PLGRKT: variants seen among roughly 807,000 people sequenced by gnomAD.
PLGRKT encodes the protein plasminogen receptor (KT).
PLGRKT carries 22 observed loss-of-function variants against 18.5 expected under a neutral mutation model. The ratio of observed to expected loss-of-function variants is 1.19; its 90% confidence interval spans 0.85 to 1.70. PLGRKT has a LOEUF of 1.70. PLGRKT is among the 40% of genes most tolerant of loss of function. The pLI, the probability that PLGRKT is intolerant of heterozygous loss-of-function variation, is 0.00. For synonymous variants in PLGRKT, 72 were observed against 52.8 expected (o/e 1.36, Z -1.58); for missense variants, 235 against 174.4 (o/e 1.35, Z -1.96).
At chr9:5,417,647 T>C (rs558883455) in intron 3 of PLGRKT, among the ~76,000 whole-genome samples, 2 of 143,276 alleles carry the variant, frequency 1.4e-5, no homozygotes, top group East Asian at 2.0e-4. Flanking sequence ...CCATAATATG[T>C]AAAGTACTCT....
chr9:5,430,227 C>T lies in PLGRKT; in HGVS notation c.81+1670G>A, dbSNP rs547990319. On this transcript the variant is annotated intron_variant, in intron 3 of 5. Transcript: ENST00000223864. ...TGTAATAGGCTAACACGTTAGCTTGCAAGTAGGGTAAAATCCCAGACCCTT... is the reference window on the plus strand; with the variant it reads ...TGTAATAGGCTAACACGTTAGCTTGTAAGTAGGGTAAAATCCCAGACCCTT... 2.1e-3 allele frequency among the ~76,000 whole-genome samples: 314 copies of T among 152,318 alleles called. 2 individuals are homozygous for T. The highest frequency in any genetic ancestry group is 7.2e-3 in the African/African-American group (300 of 41,566).
At chr9:5,396,924 C>G (rs1563778615) in intron 3 of PLGRKT, among the ~76,000 whole-genome samples, 1 of 151,922 alleles carries the variant, frequency 6.6e-6, no homozygotes, top group Non-Finnish European at 1.5e-5. Context: ...CAACATGATT[C>G]TCATCTTAAA....
chr9:5,378,642 T>C (rs1817678394), intron 3 of PLGRKT, among the ~76,000 whole-genome samples: 1 of 152,202 alleles, frequency 6.6e-6, no homozygotes, highest in African/African-American at 2.4e-5. Context: ...AGTTGTACAC[T>C]TTAACATTGA....
intron 3 of PLGRKT, among the ~76,000 whole-genome samples, chr9:5,374,204 C>T (rs983262573): frequency 6.6e-6 from 1 of 152,206 alleles, no homozygotes. Flanking sequence ...CTGAGTAACT[C>T]TTGAACCAAG....
At chr9:5,411,120 A>G (rs556204323) in intron 3 of PLGRKT, among the ~76,000 whole-genome samples, 1 of 152,258 alleles carries the variant, frequency 6.6e-6, no homozygotes, top group Admixed American at 6.5e-5. Flanking sequence ...GCGGTGACTC[A>G]CGCCTGTAAT....
intron 3 of PLGRKT, among the ~76,000 whole-genome samples, chr9:5,424,636 T>G (rs1244824762): frequency 9.0e-6 from 1 of 111,412 alleles, no homozygotes; most frequent in African/African-American, 3.9e-5. Context: ...TATATTAATA[T>G]ATTTACATTA....
chr9:5,401,546 C>T (rs1431456657), intron 3 of PLGRKT, among the ~76,000 whole-genome samples: 1 of 151,996 alleles, frequency 6.6e-6, no homozygotes, highest in African/African-American at 2.4e-5. Flanking sequence ...ATAAGCTTCA[C>T]AGATGAACAG....
Position 5,358,222 on chromosome 9 carries a change from G to C in PLGRKT, c.*17C>G. On this transcript the variant is annotated 3_prime_UTR_variant, in exon 6 of 6. Transcript: ENST00000223864. ...TCAATAATTCTGTGCTTTGAGATTT[G>C]ATTGGTAAGCATGATTTCATTTGTC... 2 of 1,595,278 alleles carry C rather than the reference G, an allele frequency of 1.3e-6. No individual in the cohort carries two copies. Among genetic ancestry groups the C allele is most frequent in the Non-Finnish European group, 8.6e-7 (1 of 1,165,982 alleles).
intron 3 of PLGRKT, among the ~76,000 whole-genome samples, chr9:5,366,090 G>A (rs1028416803): frequency 6.6e-6 from 1 of 152,112 alleles, no homozygotes; most frequent in Non-Finnish European, 1.5e-5. Context: ...AATTTCATAA[G>A]ATTATGTTTA....
chr9:5,399,334 C>T (rs1211862827), intron 3 of PLGRKT, among the ~76,000 whole-genome samples: 1 of 151,848 alleles, frequency 6.6e-6, no homozygotes, highest in East Asian at 1.9e-4. Context: ...GTAGTTTCCC[C>T]CCTGATAAAA....
chr9:5,358,053 A>T lies in PLGRKT; in HGVS notation c.*186T>A. ...GAGAGAGGAAATCTAAAAGTTATTT[A>T]GAGCACCTCCATGATTTTGTGTTGA... is the stretch of plus-strand genomic sequence containing the variant. On this transcript the variant is annotated 3_prime_UTR_variant, in exon 6 of 6. Transcript: ENST00000223864. 2.2e-6 allele frequency: 1 copy of T among 457,460 alleles called. No individual in the cohort carries two copies. Among genetic ancestry groups the T allele is most frequent in the East Asian group, 3.4e-5 (1 of 29,212 alleles). 28.3% of individuals were successfully genotyped at this position (457,460 alleles called of 1,614,324 possible).
chr9:5,363,040 T>A (rs1817302066), intron 3 of PLGRKT, among the ~76,000 whole-genome samples: 1 of 151,882 alleles, frequency 6.6e-6, no homozygotes, highest in Admixed American at 6.6e-5. Flanking sequence ...GGTTCTCACA[T>A]CAGCTGGAGA....
intron 3 of PLGRKT, among the ~76,000 whole-genome samples, chr9:5,386,669 T>G (rs1395557094): frequency 6.6e-6 from 1 of 151,882 alleles, no homozygotes; most frequent in African/African-American, 2.4e-5. Context: ...AGCCTTCATC[T>G]TTTCCTTCTG....
intron 2 of PLGRKT, 92 bp from the exon 3 acceptor site, chr9:5,432,075 G>T (rs1357196942): frequency 1.2e-5 from 7 of 600,752 alleles, no homozygotes; most frequent in Non-Finnish European, 1.8e-5. Flanking sequence ...TTATGACAAA[G>T]TAAAAAAAAA....
intron 3 of PLGRKT, among the ~76,000 whole-genome samples, chr9:5,420,726 C>T (rs906954800): frequency 2.6e-5 from 4 of 152,184 alleles, no homozygotes; most frequent in Admixed American, 6.5e-5. Flanking sequence ...TCTCCTCCAC[C>T]TACTCTACAT....
At position 5,389,617 on chromosome 9, in the gene PLGRKT, T is replaced by C. The variant is rs370727798; in HGVS notation, c.82-27729A>G. ...AGTAACTGATCTAGGAAGACCCCAA[T>C]TGCTTAGTCCTAGACATGCTCATCT... On this transcript the variant is annotated intron_variant, in intron 3 of 5. Coordinates refer to ENST00000223864, the MANE Select transcript of PLGRKT (RefSeq NM_018465.4). 7.2e-5 allele frequency among the ~76,000 whole-genome samples: 11 copies of C among 151,952 alleles called. No individual in the cohort carries two copies. In the East Asian group the frequency reaches 1.9e-3, roughly 27 times the overall value.
intron 4 of PLGRKT, 132 bp downstream of exon 4, chr9:5,361,626 G>C (rs1195214474): frequency 2.6e-6 from 2 of 779,968 alleles, no homozygotes; most frequent in African/African-American, 1.8e-5. Flanking sequence ...CAAGGACTAA[G>C]GTTAATAGGT....
At chr9:5,434,287 T>C (rs1818909974) in intron 2 of PLGRKT, among the ~76,000 whole-genome samples, 1 of 136,446 alleles carries the variant, frequency 7.3e-6, no homozygotes, top group African/African-American at 2.8e-5. Context: ...GGGGAGCGCC[T>C]CTGCCCGGCC....
In PLGRKT at chr9:5,418,787, A is replaced by G; in HGVS notation, c.81+13110T>C. 1 of 820,484 alleles carries G rather than the reference A, an allele frequency of 1.2e-6. No individual in the cohort carries two copies. Among genetic ancestry groups the G allele is most frequent in the Non-Finnish European group, 2.1e-6 (1 of 486,032 alleles). The allele number at this position is 820,484 out of a possible 1,614,324, so 50.8% of individuals were successfully genotyped here. A position where few individuals can be genotyped will look rare whatever the true frequency, so the allele number is the denominator to read the frequency against. ...GGGTCGTCGAGGAGCTGCGACACGG[A>G]GAAGTCAGGGGGCAGCTTGGTGACA... On this transcript the variant is annotated intron_variant, in intron 3 of 5. Transcript: ENST00000223864. The surrounding 1 kb of genome is among the most constrained non-coding windows in gnomAD (Gnocchi z 4.2).
Sources: gnomAD v4.1 joint callset for allele counts (sites outside exome capture counted in the v4.1 genomes callset) on GRCh38, gnomAD v4.1.1 for gene constraint, Gnocchi (gnomAD v3.1) non-coding constraint, MANE v1.5 for transcripts, NCBI Gene and HGNC (gene_info 2026-07-23, HGNC 2026-07-21) for gene names.